MARCKS: variants seen among roughly 807,000 people sequenced by gnomAD.
MARCKS encodes myristoylated alanine rich protein kinase C substrate, also known as myristoylated alanine-rich C-kinase substrate.
A neutral mutation model predicts 6.3 loss-of-function variants in MARCKS; 4 were observed. The ratio of observed to expected loss-of-function variants is 0.63; its 90% CI spans 0.31 to 1.45. The LOEUF is 1.45. MARCKS is among the 40% of genes most tolerant of loss of function. The pLI is 0.07. For missense variants in MARCKS, 636 were observed against 485.7 expected (o/e 1.31, Z -2.91); for synonymous variants, 289 against 236.5 (o/e 1.22, Z -2.04).
At position 113,859,899 on chromosome 6, in the gene MARCKS, G is replaced by A; in HGVS notation, c.319G>A (p.Ala107Thr). The A allele has an allele frequency of 1.4e-6, 2 of 1,443,066 alleles. No homozygotes were observed. Among genetic ancestry groups the A allele is most frequent in the South Asian group, 1.3e-5 (1 of 76,318 alleles). The allele number at this position is 1,443,066 out of a possible 1,614,324, so 89.4% of individuals were successfully genotyped here. The change falls in exon 2 of 2, where the codon GCC (alanine) becomes ACC (threonine). Residue 107 changes from alanine (A) to threonine (T), a missense_variant. Physicochemically the swap from Ala to Thr is moderately conservative, Grantham distance 58. Transcript: ENST00000612661. ...EAGASPVEKE[A>T]PAEGEAAEPG... The stretch of plus-strand genomic sequence containing the variant: ...CGGGGCCAGCCCGGTAGAGAAGGAG[G>A]CCCCCGCGGAAGGCGAGGCTGCCGA...
rs1018482998 is a variant in MARCKS, at chr6:113,857,669, G to T, written c.-77G>T. ...GCCGCCGCCGCTGCTGCTGCTGCTCGCCCCGTCGTTACACCAACCCGAGGC... is the reference window on the plus strand; with the variant it reads ...GCCGCCGCCGCTGCTGCTGCTGCTCTCCCCGTCGTTACACCAACCCGAGGC... On this transcript the variant is annotated 5_prime_UTR_variant, in exon 1 of 2. Transcript: ENST00000612661. 2 of 1,057,526 alleles carry T rather than the reference G, an allele frequency of 1.9e-6. No individual in the cohort carries two copies. The highest frequency in any genetic ancestry group is 1.3e-6 in the Non-Finnish European group (1 of 743,872). 65.5% of individuals were successfully genotyped at this position (1,057,526 alleles called of 1,614,324 possible).
At position 113,860,084 on chromosome 6, in the gene MARCKS, C is replaced by T; in HGVS notation, c.504C>T (p.Gly168=). The T allele has an allele frequency of 3.8e-6, 6 of 1,572,446 alleles. No homozygotes were observed. The highest frequency in any genetic ancestry group is 4.3e-6 in the Non-Finnish European group (5 of 1,160,058). ...TCAAGAAGTCTTTCAAGCTGAGCGG[C>T]TTCTCCTTCAAGAAGAACAAGAAGG... ...FSFKKSFKLS[G]FSFKKNKKEA... Residue 168 remains glycine, a synonymous_variant, in exon 2 of 2, where the codon GGC becomes GGT. Transcript: ENST00000612661.
At position 113,860,589 on chromosome 6, in the gene MARCKS, C is replaced by T. The variant is rs1020788014; in HGVS notation, c.*10C>T. On this transcript the variant is annotated 3_prime_UTR_variant, in exon 2 of 2. Transcript: ENST00000612661. The stretch of plus-strand genomic sequence containing the variant: ...GGAGGCGGCAGAGTAAAAGAGCAAG[C>T]TTTTGTGAGATAATCGAAGAACTTT... 6.5e-7 allele frequency: 1 copy of T among 1,537,244 alleles called. No homozygotes were observed. The highest frequency in any genetic ancestry group is 1.2e-5 in the South Asian group (1 of 83,038).
In MARCKS at chr6:113,862,416, CTTTTTTT is replaced by C. The variant is rs57774858; in HGVS notation, c.*1849_*1855del. ...GGCCTTTAGCATAGTTTTAAGCATC[CTTTTTTT>C]TTTTTTTTTTTGAAAGTGTGTTAGC... On this transcript the variant is annotated 3_prime_UTR_variant, in exon 2 of 2. Coordinates refer to ENST00000612661, the MANE Select transcript of MARCKS (RefSeq NM_002356.7). The C allele has an allele frequency of 1.1e-4, 12 of 105,546 alleles. No homozygotes were observed. The highest frequency in any genetic ancestry group is 8.0e-4 in the Admixed American group (7 of 8,702). The allele number at this position is 105,546 out of a possible 1,614,324, so 6.5% of individuals were successfully genotyped here. A position where few individuals can be genotyped will look rare whatever the true frequency, so the allele number is the denominator to read the frequency against.
Position 113,859,913 on chromosome 6 carries a change from C to G in MARCKS, c.333C>G (p.Gly111=), listed in dbSNP as rs547521790. The change falls in exon 2 of 2, where the codon GGC becomes GGG. Residue 111 remains glycine, a synonymous_variant. Transcript: ENST00000612661. ...TAGAGAAGGAGGCCCCCGCGGAAGGCGAGGCTGCCGAGCCCGGCTCGCCCA... is the reference window on the plus strand; with the variant it reads ...TAGAGAAGGAGGCCCCCGCGGAAGGGGAGGCTGCCGAGCCCGGCTCGCCCA... The part of the protein sequence containing the change: ...SPVEKEAPAE[G]EAAEPGSPTA... 774 of 1,453,778 alleles carry G rather than the reference C, an allele frequency of 5.3e-4. 12 individuals are homozygous for G. The East Asian group carries it at 0.023, about 42-fold the overall frequency. The allele number at this position is 1,453,778 out of a possible 1,614,324, so 90.1% of individuals were successfully genotyped here.
At position 113,857,419 on chromosome 6, in the gene MARCKS, G is replaced by C; in HGVS notation, c.-327G>C. The C allele has an allele frequency of 2.0e-5, 6 of 297,564 alleles. No homozygotes were observed. The highest frequency in any genetic ancestry group is 9.6e-5 in the South Asian group (3 of 31,404). 18.4% of individuals were successfully genotyped at this position (297,564 alleles called of 1,614,324 possible). ...CCATTTTCCTCTTGTCTACAGTGCG[G>C]CTACAAATCTGGGATTTTTTTATTA... is the stretch of plus-strand genomic sequence containing the variant. On this transcript the variant is annotated 5_prime_UTR_variant, in exon 1 of 2. Coordinates refer to ENST00000612661, the MANE Select transcript of MARCKS (RefSeq NM_002356.7).
rs1394258942 is a variant in MARCKS at position 113,861,023 on chromosome 6, G to C, written c.*444G>C. The C allele has an allele frequency of 6.6e-6, 1 of 152,012 alleles. No individual in the cohort carries two copies. Among genetic ancestry groups the C allele is most frequent in the East Asian group, 1.9e-4 (1 of 5,182 alleles). The allele number at this position is 152,012 out of a possible 1,614,324, so 9.4% of individuals were successfully genotyped here. ...GGGTCACAATGGGGAAATTGAAGTGGTGCATAACATTGCCAAAATAGTGTG... is the reference window on the plus strand; with the variant it reads ...GGGTCACAATGGGGAAATTGAAGTGCTGCATAACATTGCCAAAATAGTGTG... On this transcript the variant is annotated 3_prime_UTR_variant, in exon 2 of 2. Transcript: ENST00000612661.
rs1198082847 is a variant in MARCKS at position 113,859,943 on chromosome 6, C to G, written c.363C>G (p.Ala121=). 2 of 1,491,370 alleles carry G rather than the reference C, an allele frequency of 1.3e-6. No individual in the cohort carries two copies. The highest frequency in any genetic ancestry group is 4.4e-5 in the Admixed American group (2 of 45,690). The allele number at this position is 1,491,370 out of a possible 1,614,324, so 92.4% of individuals were successfully genotyped here. The change falls in exon 2 of 2, where the codon GCC becomes GCG. Residue 121 remains alanine, a synonymous_variant. Coordinates refer to ENST00000612661, the MANE Select transcript of MARCKS (RefSeq NM_002356.7). ...CTGCCGAGCCCGGCTCGCCCACGGC[C>G]GCGGAGGGAGAGGCCGCGTCGGCCG... ...GEAAEPGSPT[A]AEGEAASAAS...
Position 113,857,756 on chromosome 6 carries a change from A to C in MARCKS, c.11A>C (p.Gln4Pro). The change falls in exon 1 of 2, where the codon CAG (glutamine) becomes CCG (proline). Residue 4 changes from glutamine to proline, a missense_variant. Coordinates refer to ENST00000612661, the MANE Select transcript of MARCKS (RefSeq NM_002356.7). ...GTTGAAGAAGCCAGCATGGGTGCCC[A>C]GTTCTCCAAGACCGCAGCGAAGGGA... MGAQFSKTAAKGEA... is the reference protein window; with the variant it reads MGAPFSKTAAKGEA... 6.2e-7 allele frequency: 1 copy of C among 1,607,052 alleles called. No homozygotes were observed. The highest frequency in any genetic ancestry group is 2.2e-5 in the East Asian group (1 of 44,694).
chr6:113,859,954 AGGCCGCGTC>A lies in MARCKS; in HGVS notation c.381_389del (p.Ala129_Ser131del). 6.7e-7 allele frequency: 1 copy of A among 1,502,198 alleles called. No homozygotes were observed. Among genetic ancestry groups the A allele is most frequent in the Non-Finnish European group, 8.8e-7 (1 of 1,131,838 alleles). 93.1% of individuals were successfully genotyped at this position (1,502,198 alleles called of 1,614,324 possible). ...GGCTCGCCCACGGCCGCGGAGGGAG[AGGCCGCGTC>A]GGCCGCCTCCTCGACTTCTTCGCCC... is the stretch of plus-strand genomic sequence containing the variant. On this transcript the variant is annotated inframe_deletion, in exon 2 of 2. Coordinates refer to ENST00000612661, the MANE Select transcript of MARCKS (RefSeq NM_002356.7).
In MARCKS at chr6:113,860,462, GGCAGCCCCCGCGGAGGAGCCC is replaced by G; in HGVS notation, c.885_905del (p.Pro297_Ala303del). 1 of 1,383,302 alleles carries G rather than the reference GGCAGCCCCCGCGGAGGAGCCC, an allele frequency of 7.2e-7. No individual in the cohort carries two copies. Among genetic ancestry groups the G allele is most frequent in the Non-Finnish European group, 9.5e-7 (1 of 1,056,744 alleles). The allele number at this position is 1,383,302 out of a possible 1,614,324, so 85.7% of individuals were successfully genotyped here. A position where few individuals can be genotyped will look rare whatever the true frequency, so the allele number is the denominator to read the frequency against. On this transcript the variant is annotated inframe_deletion, in exon 2 of 2. Transcript: ENST00000612661. The stretch of plus-strand genomic sequence containing the variant: ...GGCCCGGCGCGCCCCCGGAGCAGGA[GGCAGCCCCCGCGGAGGAGCCC>G]GCGGCCGCCGCAGCCTCGTCAGCCT...
rs1284586428 is a variant in MARCKS at position 113,860,500 on chromosome 6, C to G, written c.920C>G (p.Ser307Trp). 11 of 1,525,634 alleles carry G rather than the reference C, an allele frequency of 7.2e-6. No homozygotes were observed. The highest frequency in any genetic ancestry group is 9.7e-6 in the Non-Finnish European group (11 of 1,137,636). The allele number at this position is 1,525,634 out of a possible 1,614,324, so 94.5% of individuals were successfully genotyped here. ...PAEEPAAAAA[S>W]SACAAPSQEA... ...GAGGAGCCCGCGGCCGCCGCAGCCT[C>G]GTCAGCCTGCGCAGCCCCCTCACAG... Residue 307 changes from serine to tryptophan, a missense_variant, in exon 2 of 2, where the codon TCG becomes TGG. By Grantham distance (177) the Ser-to-Trp change is radical. Coordinates refer to ENST00000612661, the MANE Select transcript of MARCKS (RefSeq NM_002356.7).
chr6:113,862,679 G>A lies in MARCKS; in HGVS notation c.*2100G>A, dbSNP rs1774920220. On this transcript the variant is annotated 3_prime_UTR_variant, in exon 2 of 2. Transcript: ENST00000612661. ...AGTTTAGGGTTCATGATAAATCATT[G>A]AACCACATGTGTAACAACTGAATGC... 1 of 152,024 alleles carries A rather than the reference G, an allele frequency of 6.6e-6. No individual in the cohort carries two copies. Among genetic ancestry groups the A allele is most frequent in the South Asian group, 2.1e-4 (1 of 4,828 alleles). The allele number at this position is 152,024 out of a possible 1,614,324, so 9.4% of individuals were successfully genotyped here. A position where few individuals can be genotyped will look rare whatever the true frequency, so the allele number is the denominator to read the frequency against.
chr6:113,857,837 C>T lies in MARCKS; in HGVS notation c.92C>T (p.Ala31Val), dbSNP rs988120249. Residue 31 changes from alanine (A) to valine (V), a missense_variant, in exon 1 of 2, where the codon GCG becomes GTG. By Grantham distance (64) the Ala-to-Val change is moderately conservative. Transcript: ENST00000612661. ...EAAVASSPSK[A>V]NGQENGHVKV... is the part of the protein sequence containing the mutation. ...GCTGTGGCCTCGTCGCCTTCCAAAG[C>T]GAACGGACAGGTAAATTCTACCTGT... The T allele has an allele frequency of 1.9e-6, 3 of 1,600,422 alleles. No individual in the cohort carries two copies. The highest frequency in any genetic ancestry group is 2.6e-6 in the Non-Finnish European group (3 of 1,173,904).
chr6:113,860,070 T>C lies in MARCKS; in HGVS notation c.490T>C (p.Phe164Leu). ...KKKRFSFKKS[F>L]KLSGFSFKKN... is the part of the protein sequence containing the mutation. ...GAAGCGCTTTTCCTTCAAGAAGTCTTTCAAGCTGAGCGGCTTCTCCTTCAA... is the reference window on the plus strand; with the variant it reads ...GAAGCGCTTTTCCTTCAAGAAGTCTCTCAAGCTGAGCGGCTTCTCCTTCAA... The change falls in exon 2 of 2, where the codon TTC becomes CTC. Residue 164 changes from phenylalanine to leucine, a missense_variant. Phe to Leu is a conservative substitution (Grantham distance 22, BLOSUM62 0). Coordinates refer to ENST00000612661, the MANE Select transcript of MARCKS (RefSeq NM_002356.7). 3.2e-6 allele frequency: 5 copies of C among 1,575,792 alleles called. No homozygotes were observed. The highest frequency in any genetic ancestry group is 4.3e-6 in the Non-Finnish European group (5 of 1,162,268).
chr6:113,860,501 G>A lies in MARCKS; in HGVS notation c.921G>A (p.Ser307=), dbSNP rs759602044. Residue 307 remains serine (S), a synonymous_variant, in exon 2 of 2, where the codon TCG becomes TCA. Transcript: ENST00000612661. ...PAEEPAAAAA[S]SACAAPSQEA... is the part of the protein sequence containing the mutation. ...AGGAGCCCGCGGCCGCCGCAGCCTCGTCAGCCTGCGCAGCCCCCTCACAGG... is the reference window on the plus strand; with the variant it reads ...AGGAGCCCGCGGCCGCCGCAGCCTCATCAGCCTGCGCAGCCCCCTCACAGG... 7.2e-6 allele frequency: 11 copies of A among 1,525,152 alleles called. No individual in the cohort carries two copies. The highest frequency in any genetic ancestry group is 8.8e-6 in the Non-Finnish European group (10 of 1,137,272). The allele number at this position is 1,525,152 out of a possible 1,614,324, so 94.5% of individuals were successfully genotyped here.
chr6:113,859,269 C>G (rs752397161), intron 1 of MARCKS, among the ~76,000 whole-genome samples: 3 of 152,314 alleles, frequency 2.0e-5, no homozygotes, highest in African/African-American at 4.8e-5. Flanking sequence ...AGGCGCGAAC[C>G]ACCAGCTCTG....
chr6:113,860,425 C>T lies in MARCKS; in HGVS notation c.845C>T (p.Pro282Leu), dbSNP rs1220745483. The T allele has an allele frequency of 3.5e-6, 4 of 1,152,014 alleles. 1 individual carries two copies. Among genetic ancestry groups the T allele is most frequent in the South Asian group, 2.9e-5 (1 of 34,956 alleles). 71.4% of individuals were successfully genotyped at this position (1,152,014 alleles called of 1,614,324 possible). The change falls in exon 2 of 2, where the codon CCC becomes CTC. Residue 282 changes from proline to leucine, a missense_variant. Coordinates refer to ENST00000612661, the MANE Select transcript of MARCKS (RefSeq NM_002356.7). Reference sequence around the variant, plus strand: ...GCCAGCGCCGCCGCCTGCGAGGCCCCCTCCGCCGCCGGGCCCGGCGCGCCC... The same window carrying T: ...GCCAGCGCCGCCGCCTGCGAGGCCCTCTCCGCCGCCGGGCCCGGCGCGCCC... ...AGASAAACEA[P>L]SAAGPGAPPE...
chr6:113,860,514 G>GC lies in MARCKS; in HGVS notation c.939dup (p.Ser314LeufsTer28). 6.5e-7 allele frequency: 1 copy of GC among 1,545,990 alleles called. No individual in the cohort carries two copies. The highest frequency in any genetic ancestry group is 8.7e-7 in the Non-Finnish European group (1 of 1,149,942). On this transcript the variant is annotated frameshift_variant, in exon 2 of 2. Transcript: ENST00000612661. LOFTEE classifies it high-confidence loss of function. ...CGCCGCAGCCTCGTCAGCCTGCGCAGCCCCCTCACAGGAGGCCCAGCCCGA... is the reference window on the plus strand; with the variant it reads ...CGCCGCAGCCTCGTCAGCCTGCGCAGCCCCCCTCACAGGAGGCCCAGCCCGA...
Sources: gnomAD v4.1 joint callset for allele counts (sites outside exome capture counted in the v4.1 genomes callset) on GRCh38, gnomAD v4.1.1 for gene constraint, MANE v1.5 for transcripts, NCBI Gene and HGNC (gene_info 2026-07-23, HGNC 2026-07-21) for gene names.